The following RARB variants were observed in gnomAD, a reference collection of about 807,000 sequenced individuals.
RARB encodes retinoic acid receptor beta.
RARB carries 17 observed loss-of-function variants against 51.9 expected under a neutral mutation model. The ratio of observed to expected loss-of-function variants is 0.33; its 90% CI spans 0.22 to 0.49. The LOEUF is 0.49. Among genes scored for constraint, RARB ranks in the 20% least tolerant of loss-of-function variants. The probability of loss-of-function intolerance (pLI) is 0.99; values close to 1 mark genes in which losing one functional copy is unlikely to be tolerated. For synonymous variants in RARB, 215 were observed against 195.4 expected (o/e 1.10, Z -0.84); for missense variants, 369 against 550.8 (o/e 0.67, Z 3.30).
intron 5 of RARB, among the ~76,000 whole-genome samples, chr3:25,188,095 C>A (rs1701017924): frequency 1.3e-5 from 2 of 152,052 alleles, no homozygotes; most frequent in African/African-American, 2.4e-5. Flanking sequence ...AGACAATATT[C>A]TTACATTTTT....
At chr3:25,532,066 T>C (rs1192248622) in intron 3 of RARB, among the ~76,000 whole-genome samples, 2 of 152,192 alleles carry the variant, frequency 1.3e-5, no homozygotes, top group Non-Finnish European at 2.9e-5. Flanking sequence ...TATACAGCTC[T>C]TGACATGATT....
chr3:25,477,954 C>T (rs957198006), intron 2 of RARB, among the ~76,000 whole-genome samples: 11 of 152,118 alleles, frequency 7.2e-5, no homozygotes, highest in South Asian at 4.1e-4. Flanking sequence ...TTATAGGTCT[C>T]GTAGTTGGTG....
intron 2 of RARB, among the ~76,000 whole-genome samples, chr3:25,474,067 G>A (rs1037141581): frequency 2.0e-5 from 3 of 152,048 alleles, no homozygotes; most frequent in Non-Finnish European, 2.9e-5. Flanking sequence ...TTTTATAAAG[G>A]ATTTTCATGG....
At chr3:25,350,246 C>T (rs768884690) in intron 5 of RARB, among the ~76,000 whole-genome samples, 1 of 152,052 alleles carries the variant, frequency 6.6e-6, no homozygotes, top group Non-Finnish European at 1.5e-5. Flanking sequence ...CTTTGGAGCC[C>T]ACCAAAGCAA....
rs116830066 is a variant in RARB at position 25,597,039 on chromosome 3, T to C, written c.*423T>C. On this transcript the variant is annotated 3_prime_UTR_variant, in exon 8 of 8. Transcript: ENST00000330688. The stretch of plus-strand genomic sequence containing the variant: ...CTCAAAATAACCATGACACCAAGGT[T>C]ATGAAATAGACTACTGTACACGTCT... The C allele has an allele frequency of 7.2e-3, 1,139 of 158,006 alleles. 16 individuals carry two copies. The highest frequency in any genetic ancestry group is 0.026 in the African/African-American group (1,076 of 41,628). 9.8% of individuals were successfully genotyped at this position (158,006 alleles called of 1,614,324 possible).
chr3:25,114,247 C>T (rs1162116788), intron 3 of RARB, among the ~76,000 whole-genome samples: 1 of 152,156 alleles, frequency 6.6e-6, no homozygotes, highest in Non-Finnish European at 1.5e-5. Flanking sequence ...GAAACTCTTG[C>T]CTCCTTTGGT....
At chr3:25,132,336 C>G (rs1022403781) in intron 4 of RARB, among the ~76,000 whole-genome samples, 4 of 151,858 alleles carry the variant, frequency 2.6e-5, no homozygotes, top group African/African-American at 9.7e-5. Flanking sequence ...CTTGTGCTTT[C>G]ATGATATTAT....
At chr3:25,252,688 A>G (rs139794568) in intron 5 of RARB, among the ~76,000 whole-genome samples, 122 of 152,218 alleles carry the variant, frequency 8.0e-4, no homozygotes, top group African/African-American at 2.6e-3. Context: ...GCTTTTGTAT[A>G]TTGATCTTGT....
chr3:24,998,277 G>GTTTTTTTTTTTT (rs71622792), intron 2 of RARB, among the ~76,000 whole-genome samples: 1 of 140,482 alleles, frequency 7.1e-6, no homozygotes, highest in Non-Finnish European at 1.5e-5. Context: ...CTTGTAGTTT[G>GTTTTTTTTTTTT]TTTTTTTTTT....
intron 1 of RARB, among the ~76,000 whole-genome samples, chr3:24,835,573 G>T (rs1400216919): frequency 6.6e-6 from 1 of 152,130 alleles, no homozygotes. Flanking sequence ...ATATTATAGG[G>T]TAAAGAAACA....
intron 5 of RARB, among the ~76,000 whole-genome samples, chr3:25,364,811 A>G (rs1266204420): frequency 1.3e-5 from 2 of 152,226 alleles, no homozygotes; most frequent in East Asian, 1.9e-4. Flanking sequence ...TTTGCCTTTT[A>G]AACATGTGAA....
intron 1 of RARB, among the ~76,000 whole-genome samples, chr3:25,460,369 A>G (rs955671994): frequency 9.9e-5 from 15 of 152,096 alleles, no homozygotes; most frequent in African/African-American, 3.6e-4. Context: ...CTCCCAGTAC[A>G]CTTGTTGAAT....
intron 5 of RARB, among the ~76,000 whole-genome samples, chr3:25,176,137 G>A (rs1700738627): frequency 6.6e-6 from 1 of 152,046 alleles, no homozygotes; most frequent in Non-Finnish European, 1.5e-5. Flanking sequence ...TTTTGTAGAT[G>A]TAGCCAAGAA....
intron 5 of RARB, among the ~76,000 whole-genome samples, chr3:25,281,399 C>T (rs1034458068): frequency 6.6e-6 from 1 of 152,236 alleles, no homozygotes; most frequent in African/African-American, 2.4e-5. Flanking sequence ...CTAGCTATGA[C>T]TTCACTTTGG....
At chr3:24,911,887 T>G (rs975757610) in intron 2 of RARB, among the ~76,000 whole-genome samples, 3 of 152,208 alleles carry the variant, frequency 2.0e-5, no homozygotes, top group African/African-American at 7.2e-5. Context: ...CAAAGCATCT[T>G]GTGATATTCT....
intron 1 of RARB, among the ~76,000 whole-genome samples, chr3:25,438,154 A>C (rs1253533420): frequency 6.6e-6 from 1 of 152,176 alleles, no homozygotes; most frequent in East Asian, 1.9e-4. Flanking sequence ...GGGGATCTGC[A>C]TGTGACTTGT....
intron 3 of RARB, among the ~76,000 whole-genome samples, chr3:25,102,335 C>T (rs1699418665): frequency 1.3e-5 from 2 of 151,622 alleles, no homozygotes; most frequent in South Asian, 2.1e-4. Context: ...GAGGTCAGGA[C>T]TTCAAGACCA....
At chr3:25,163,295 G>C in intron 4 of RARB, among the ~76,000 whole-genome samples, 1 of 152,158 alleles carries the variant, frequency 6.6e-6, no homozygotes, top group African/African-American at 2.4e-5. Context: ...CTTGAGTCTA[G>C]GAGTTTGAGA....
intron 2 of RARB, among the ~76,000 whole-genome samples, chr3:24,884,590 C>T (rs1272253015): frequency 6.6e-6 from 1 of 152,042 alleles, no homozygotes; most frequent in Non-Finnish European, 1.5e-5. Flanking sequence ...GTGCTTTTGC[C>T]TCAAACTTCA....
Sources: gnomAD v4.1 joint callset for allele counts (sites outside exome capture counted in the v4.1 genomes callset) on GRCh38, gnomAD v4.1.1 for gene constraint, MANE v1.5 for transcripts, NCBI Gene and HGNC (gene_info 2026-07-23, HGNC 2026-07-21) for gene names.